The following PTPRK variants were observed in gnomAD, a reference collection of about 807,000 sequenced individuals.
PTPRK encodes the protein protein tyrosine phosphatase receptor type K.
A neutral mutation model predicts 178.0 loss-of-function variants in PTPRK; 75 were observed. That is an observed-to-expected ratio of 0.42 (90% CI 0.35 to 0.51). The LOEUF (loss-of-function observed/expected upper bound fraction) is 0.51. PTPRK is among the 20% of genes least tolerant of loss of function. The pLI is 0.02. For synonymous variants in PTPRK, 637 were observed against 620.6 expected, an observed-to-expected ratio of 1.03 and a Z score of -0.39; for missense variants, 1,441 against 1,797.8, an observed-to-expected ratio of 0.80 and a Z score of 3.59.
chr6:128,299,892 A>G (rs537073181), intron 3 of PTPRK, among the ~76,000 whole-genome samples: 3 of 152,162 alleles, frequency 2.0e-5, no homozygotes, highest in African/African-American at 7.2e-5. Context: ...TAAACTAAAG[A>G]GCCTCTGCAC....
rs191225789 is a variant in PTPRK at position 128,317,090 on chromosome 6, C to T, written c.495+4949G>A. Among the ~76,000 whole-genome samples, 48 of 151,984 alleles carry T rather than the reference C, an allele frequency of 3.2e-4. 1 individual carries two copies. The highest frequency in any genetic ancestry group is 2.7e-3 in the Admixed American group (41 of 15,258). ...GACCGTGTTAGGTAAATCCTGTTGC[C>T]GTAACTAAAATAAGTCTATCTAGTT... On this transcript the variant is annotated intron_variant, in intron 3 of 29. Coordinates refer to ENST00000368226, the MANE Select transcript of PTPRK (RefSeq NM_002844.4).
chr6:128,309,380 G>C (rs1826906728), intron 3 of PTPRK, among the ~76,000 whole-genome samples: 1 of 152,118 alleles, frequency 6.6e-6, no homozygotes, highest in South Asian at 2.1e-4. Context: ...ATGGCAGAGA[G>C]GGGTGGGGGA....
intron 3 of PTPRK, among the ~76,000 whole-genome samples, chr6:128,317,710 T>G (rs1828205616): frequency 6.6e-6 from 1 of 152,166 alleles, no homozygotes. Flanking sequence ...TGTCAGCTAT[T>G]TCCTTCCTCG....
chr6:128,342,535 G>T (rs1584260284), intron 2 of PTPRK, among the ~76,000 whole-genome samples: 1 of 150,946 alleles, frequency 6.6e-6, no homozygotes, highest in Non-Finnish European at 1.5e-5. Flanking sequence ...TCTCAGTATT[G>T]AAGTATTTAA....
At chr6:128,356,393 G>C (rs1206054352) in intron 2 of PTPRK, among the ~76,000 whole-genome samples, 1 of 152,098 alleles carries the variant, frequency 6.6e-6, no homozygotes, top group Admixed American at 6.6e-5. Flanking sequence ...TGACCCTTCT[G>C]ACAGCTGAAA....
chr6:128,267,125 T>C (rs1819084888), intron 3 of PTPRK, among the ~76,000 whole-genome samples: 1 of 152,088 alleles, frequency 6.6e-6, no homozygotes, highest in Non-Finnish European at 1.5e-5. Flanking sequence ...ATTTGTTATT[T>C]TTCTGGGTGT....
At chr6:128,379,374 A>C (rs1837554681) in intron 2 of PTPRK, among the ~76,000 whole-genome samples, 1 of 152,192 alleles carries the variant, frequency 6.6e-6, no homozygotes, top group African/African-American at 2.4e-5. Flanking sequence ...TCCAAGTATC[A>C]ATCCATTTAC....
At chr6:128,269,858 T>C (rs897193443) in intron 3 of PTPRK, among the ~76,000 whole-genome samples, 3 of 152,238 alleles carry the variant, frequency 2.0e-5, no homozygotes, top group Admixed American at 6.5e-5. Context: ...TTTCCTAAAA[T>C]CACTGATTAG....
At chr6:128,250,654 T>C (rs548294339) in intron 3 of PTPRK, among the ~76,000 whole-genome samples, 1 of 152,320 alleles carries the variant, frequency 6.6e-6, no homozygotes, top group Non-Finnish European at 1.5e-5. Context: ...TTAGAAATCA[T>C]GAAAACATAA....
At chr6:128,242,954 T>A (rs1814737659) in intron 3 of PTPRK, among the ~76,000 whole-genome samples, 1 of 152,184 alleles carries the variant, frequency 6.6e-6, no homozygotes, top group African/African-American at 2.4e-5. Context: ...TTACTTAACA[T>A]ACATGGAGCA....
At chr6:128,029,678 A>G (rs1388449595) in intron 13 of PTPRK, among the ~76,000 whole-genome samples, 1 of 147,458 alleles carries the variant, frequency 6.8e-6, no homozygotes, top group African/African-American at 2.5e-5. Context: ...TAATAATAAT[A>G]ATAATAATAA....
At chr6:128,352,430 G>A (rs2128337839) in intron 2 of PTPRK, among the ~76,000 whole-genome samples, 1 of 115,798 alleles carries the variant, frequency 8.6e-6, no homozygotes, top group South Asian at 2.9e-4. Flanking sequence ...GCAGATCACT[G>A]TACAGTCCAG....
chr6:128,274,260 G>A (rs1217849774), intron 3 of PTPRK, among the ~76,000 whole-genome samples: 1 of 152,066 alleles, frequency 6.6e-6, no homozygotes, highest in Non-Finnish European at 1.5e-5. Context: ...TGAAAGAACT[G>A]CATTCCTACA....
intron 13 of PTPRK, among the ~76,000 whole-genome samples, chr6:128,033,510 A>G (rs1019719760): frequency 1.1e-4 from 17 of 152,174 alleles, no homozygotes; most frequent in African/African-American, 2.7e-4. Flanking sequence ...TATTTTACTG[A>G]TACATGGATT....
intron 7 of PTPRK, among the ~76,000 whole-genome samples, chr6:128,133,043 T>A (rs1794494856): frequency 6.6e-6 from 1 of 152,144 alleles, no homozygotes; most frequent in South Asian, 2.1e-4. Flanking sequence ...AGTCAAAAAT[T>A]CCACCATAAA....
In PTPRK at chr6:128,265,570, A is replaced by G. The variant is rs1818820516; in HGVS notation, c.496-22968T>C. 2.0e-5 allele frequency among the ~76,000 whole-genome samples: 3 copies of G among 152,090 alleles called. No homozygotes were observed. The South Asian group carries it at 6.2e-4, about 32-fold the overall frequency. ...GGTCGCACAGCTATTCAGTGGCAGC[A>G]CCAGATTCTAACCCAGATAGTCTGG... is the stretch of plus-strand genomic sequence containing the variant. On this transcript the variant is annotated intron_variant, in intron 3 of 29. Coordinates refer to ENST00000368226, the MANE Select transcript of PTPRK (RefSeq NM_002844.4).
At chr6:128,374,892 C>G (rs1216832757) in intron 2 of PTPRK, among the ~76,000 whole-genome samples, 1 of 151,904 alleles carries the variant, frequency 6.6e-6, no homozygotes, top group Non-Finnish European at 1.5e-5. Context: ...TTCTTTAAAC[C>G]AAATTGGTCA....
At chr6:128,511,574 T>A (rs1857196308) in intron 1 of PTPRK, among the ~76,000 whole-genome samples, 1 of 152,160 alleles carries the variant, frequency 6.6e-6, no homozygotes, top group African/African-American at 2.4e-5. Flanking sequence ...ACCCTAGAAC[T>A]AAACTAAGCA....
intron 3 of PTPRK, among the ~76,000 whole-genome samples, chr6:128,255,725 C>T (rs1162477567): frequency 6.6e-6 from 1 of 152,206 alleles, no homozygotes; most frequent in Admixed American, 6.5e-5. Context: ...GCATCAACAA[C>T]ACCTGGAAAC....
Sources: gnomAD v4.1 joint callset for allele counts (sites outside exome capture counted in the v4.1 genomes callset) on GRCh38, gnomAD v4.1.1 for gene constraint, MANE v1.5 for transcripts, NCBI Gene and HGNC (gene_info 2026-07-23, HGNC 2026-07-21) for gene names.